Variants in CNKSR2 observed in about 807,000 individuals in gnomAD.
The protein encoded by CNKSR2 is connector enhancer of kinase suppressor of Ras 2.
In CNKSR2, 14 loss-of-function variants were observed where a neutral mutation model predicts 84.4. The ratio of observed to expected loss-of-function variants is 0.17; its 90% confidence interval spans 0.11 to 0.26. The LOEUF (loss-of-function observed/expected upper bound fraction) is 0.26, where lower values mean the gene tolerates loss of function less well. Ranked by LOEUF, CNKSR2 falls within the 10% of genes least tolerant of loss-of-function variation. The probability of loss-of-function intolerance (pLI) is 1.00; values close to 1 mark genes in which losing one functional copy is unlikely to be tolerated. For synonymous variants in CNKSR2, 275 were observed against 277.9 expected (o/e 0.99, Z 0.10); for missense variants, 485 against 771.2 (o/e 0.63, Z 4.40).
chrX:21,404,124 G>GA (rs1203741506), intron 1 of CNKSR2, among the ~76,000 whole-genome samples: 3 of 111,006 alleles, frequency 2.7e-5, no homozygotes, highest in African/African-American at 9.8e-5. Context: ...TTGCTTTGAA[G>GA]AAAAAAAATA....
intron 1 of CNKSR2, among the ~76,000 whole-genome samples, chrX:21,405,258 T>C: frequency 2.7e-5 from 3 of 111,997 alleles, no homozygotes; most frequent in African/African-American, 6.5e-5. Context: ...TTAATATCCA[T>C]ATACTATTGG....
chrX:21,528,892 T>C (rs1218552598), intron 10 of CNKSR2, among the ~76,000 whole-genome samples: 2 of 111,293 alleles, frequency 1.8e-5, no homozygotes, highest in African/African-American at 6.5e-5. Context: ...CTTATATAAA[T>C]GTCTGCATTT....
intron 4 of CNKSR2, among the ~76,000 whole-genome samples, chrX:21,441,890 C>A (rs1300992129): frequency 8.9e-6 from 1 of 111,747 alleles, no homozygotes; most frequent in Non-Finnish European, 1.9e-5. Flanking sequence ...AATTATTTTT[C>A]ATTCAGCTTT....
chrX:21,455,892 C>G (rs892215630), intron 4 of CNKSR2, among the ~76,000 whole-genome samples: 1 of 111,740 alleles, frequency 8.9e-6, no homozygotes, highest in African/African-American at 3.2e-5. Flanking sequence ...CTTGTCTTGA[C>G]TATTCCTCAG....
At chrX:21,485,011 A>G (rs2091365979) in intron 5 of CNKSR2, among the ~76,000 whole-genome samples, 2 of 111,106 alleles carry the variant, frequency 1.8e-5, no homozygotes, top group Admixed American at 9.6e-5. Context: ...GTGAAACCCC[A>G]TCTCTACTAA....
At chrX:21,612,664 C>T (rs1002301326) in intron 20 of CNKSR2, among the ~76,000 whole-genome samples, 4 of 111,931 alleles carry the variant, frequency 3.6e-5, no homozygotes, top group Admixed American at 1.9e-4. Flanking sequence ...TTATCATTTA[C>T]GTTTTATCTT....
intron 13 of CNKSR2, among the ~76,000 whole-genome samples, chrX:21,586,155 G>C (rs2092386665): frequency 9.0e-6 from 1 of 111,433 alleles, no homozygotes; most frequent in South Asian, 3.8e-4. Flanking sequence ...ATGCCTGAGA[G>C]TCTTCTCTAA....
At chrX:21,478,615 AT>A (rs960981745) in intron 5 of CNKSR2, among the ~76,000 whole-genome samples, 1 of 111,752 alleles carries the variant, frequency 8.9e-6, no homozygotes, top group South Asian at 3.7e-4. Flanking sequence ...AGTAGTATTC[AT>A]TTTTGTTGGG....
chrX:21,612,798 C>A (rs966938895), intron 20 of CNKSR2, among the ~76,000 whole-genome samples: 2 of 111,915 alleles, frequency 1.8e-5, no homozygotes, highest in Non-Finnish European at 3.8e-5. Flanking sequence ...GAATTTGGCC[C>A]TGCTTATAAA....
At chrX:21,609,646 T>G in intron 20 of CNKSR2, 29 bp downstream of exon 20, 1 of 1,150,655 alleles carries the variant, frequency 8.7e-7, no homozygotes, top group Non-Finnish European at 1.2e-6. Flanking sequence ...ATTCTTAGCC[T>G]GTGTACACAA....
chrX:21,630,081 G>A (rs186122621), intron 20 of CNKSR2, among the ~76,000 whole-genome samples: 18 of 111,775 alleles, frequency 1.6e-4, no homozygotes, highest in Admixed American at 1.0e-3. Flanking sequence ...GCTGTCTCAG[G>A]AAGACTCTTC....
intron 11 of CNKSR2, among the ~76,000 whole-genome samples, chrX:21,539,358 T>G (rs1159170417): frequency 3.6e-5 from 4 of 111,907 alleles, no homozygotes; most frequent in African/African-American, 1.3e-4. Context: ...GTTTGGTTCT[T>G]TTATATGATA....
intron 11 of CNKSR2, among the ~76,000 whole-genome samples, chrX:21,561,183 A>T (rs1198599681): frequency 9.1e-5 from 3 of 33,070 alleles, no homozygotes; most frequent in African/African-American, 5.3e-4. Flanking sequence ...TATCTTCTTT[A>T]AAAAAAAAAA....
rs778682042 is a variant in CNKSR2, at chrX:21,609,527, C to G, written c.2602C>G (p.Gln868Glu). 8.3e-7 allele frequency: 1 copy of G among 1,210,906 alleles called. No individual in the cohort carries two copies. The highest frequency in any genetic ancestry group is 2.2e-5 in the Admixed American group (1 of 45,900). The change falls in exon 20 of 22, where the codon CAG becomes GAG. Residue 868 changes from glutamine to glutamate, a missense_variant. Around this residue, in one of 5 missense-constraint regions of CNKSR2, gnomAD observed 210 missense variants for 291.5 expected, o/e 0.72. Transcript: ENST00000379510. ...LNAPVSACDP[Q>E]DDVQPPEVEE... is the part of the protein sequence containing the mutation. ...TGCTCCAGTTAGTGCCTGTGACCCA[C>G]AGGATGACGTGCAACCCCCAGAGGT...
At chrX:21,436,084 G>A (rs2090700734) in intron 3 of CNKSR2, among the ~76,000 whole-genome samples, 1 of 111,354 alleles carries the variant, frequency 9.0e-6, no homozygotes, top group Admixed American at 9.5e-5. Flanking sequence ...TTTATACCAG[G>A]AAAAATATTA....
In CNKSR2 at chrX:21,652,771, T is replaced by C; in HGVS notation, c.*250T>C. The C allele has an allele frequency of 3.6e-6, 1 of 281,262 alleles. No individual in the cohort carries two copies. The highest frequency in any genetic ancestry group is 6.2e-6 in the Non-Finnish European group (1 of 161,177). The allele number at this position is 281,262 out of a possible 1,213,427, so 23.2% of individuals were successfully genotyped here. A position where few individuals can be genotyped will look rare whatever the true frequency, so the allele number is the denominator to read the frequency against. ...TCTTTAATGACTTAAAATTAACTTT[T>C]GCAAACAATTCTAAATACAGGTGGT... On this transcript the variant is annotated 3_prime_UTR_variant, in exon 22 of 22. Coordinates refer to ENST00000379510, the MANE Select transcript of CNKSR2 (RefSeq NM_014927.5).
chrX:21,434,511 G>A (rs1012022892), intron 3 of CNKSR2, among the ~76,000 whole-genome samples: 1 of 110,927 alleles, frequency 9.0e-6, no homozygotes, highest in African/African-American at 3.3e-5. Context: ...TTAATTTGAG[G>A]GATTTAAAAT....
At chrX:21,392,546 GTA>G (rs2090064865) in intron 1 of CNKSR2, among the ~76,000 whole-genome samples, 1 of 111,164 alleles carries the variant, frequency 9.0e-6, no homozygotes, top group African/African-American at 3.3e-5. Context: ...GGTCTTGTGA[GTA>G]TTCACTCACT....
intron 8 of CNKSR2, among the ~76,000 whole-genome samples, chrX:21,512,902 C>G (rs146425255): frequency 8.9e-6 from 1 of 112,033 alleles, no homozygotes; most frequent in East Asian, 2.8e-4. Flanking sequence ...AATGTAAGTT[C>G]TGGCTTCACC....
Sources: gnomAD v4.1 joint callset for allele counts (sites outside exome capture counted in the v4.1 genomes callset) on GRCh38, gnomAD v4.1.1 for gene constraint, gnomAD v4.1.1 regional missense constraint, MANE v1.5 for transcripts, NCBI Gene and HGNC (gene_info 2026-07-23, HGNC 2026-07-21) for gene names.